Variants in RANBP10 observed in about 807,000 individuals in gnomAD.
RANBP10 encodes the protein RAN binding protein 10.
A neutral mutation model predicts 72.8 loss-of-function variants in RANBP10; 24 were observed. The observed-to-expected ratio is 0.33, with a 90% confidence interval of 0.24 to 0.46. The LOEUF is 0.46. Ranked by LOEUF, RANBP10 falls within the 20% of genes least tolerant of loss-of-function variation. RANBP10 has a pLI of 1.00. For missense variants in RANBP10, 679 were observed against 817.5 expected (o/e 0.83, Z 2.07); for synonymous variants, 310 against 322.3 (o/e 0.96, Z 0.41).
At position 67,790,514 on chromosome 16, in the gene RANBP10, T is replaced by C. The variant is rs1026577193; in HGVS notation, c.347+14914A>G. 3.3e-5 allele frequency among the ~76,000 whole-genome samples: 5 copies of C among 151,618 alleles called. No individual in the cohort carries two copies. The South Asian group carries it at 1.0e-3, about 31-fold the overall frequency. ...CACAGAGACACCAAGAACACCCCTA[T>C]GGCCCTGCAAACCAGCAAGGACCGC... On this transcript the variant is annotated intron_variant, in intron 2 of 13. Transcript: ENST00000317506.
At chr16:67,737,354 C>T (rs917780681) in intron 5 of RANBP10, among the ~76,000 whole-genome samples, 2 of 151,928 alleles carry the variant, frequency 1.3e-5, no homozygotes, top group South Asian at 4.2e-4. Context: ...GCGCCTGCAA[C>T]CAGGCCCGGC....
chr16:67,727,585 G>C, intron 12 of RANBP10, 147 bp from the exon 13 acceptor site: 1 of 1,323,270 alleles, frequency 7.6e-7, no homozygotes, highest in Non-Finnish European at 1.1e-6. Flanking sequence ...TCTCCCCAGA[G>C]CCTAGGTGTG....
rs192457543 is a variant in RANBP10, at chr16:67,726,126, T to C, written c.*302A>G. ...GTGGCTCAGTCAGGAGAAAAAAATT[T>C]AAAAACCCCAACCCCTCCTCAAAAC... On this transcript the variant is annotated 3_prime_UTR_variant, in exon 14 of 14. Coordinates refer to ENST00000317506, the MANE Select transcript of RANBP10 (RefSeq NM_020850.3). The C allele has an allele frequency of 1.2e-3, 373 of 319,702 alleles. 1 individual carries two copies. The highest frequency in any genetic ancestry group is 3.3e-3 in the Middle Eastern group (3 of 912). 19.8% of individuals were successfully genotyped at this position (319,702 alleles called of 1,614,324 possible).
chr16:67,776,771 CAA>C (rs1183736504), intron 2 of RANBP10, among the ~76,000 whole-genome samples: 1 of 73,294 alleles, frequency 1.4e-5, no homozygotes, highest in Non-Finnish European at 2.8e-5. Flanking sequence ...GACTTTGTCT[CAA>C]AAAAAAAAAG....
chr16:67,778,287 T>G (rs953809590), intron 2 of RANBP10, among the ~76,000 whole-genome samples: 2 of 152,036 alleles, frequency 1.3e-5, no homozygotes, highest in African/African-American at 4.8e-5. Flanking sequence ...AGGCGGAGGT[T>G]GCAGTAAGCC....
rs1280722691 is a variant in RANBP10, at chr16:67,727,434, G to C, written c.1625C>G (p.Ala542Gly). The C allele has an allele frequency of 3.7e-6, 6 of 1,612,804 alleles. No individual in the cohort carries two copies. Among genetic ancestry groups the C allele is most frequent in the Non-Finnish European group, 5.1e-6 (6 of 1,179,422 alleles). The change falls in exon 13 of 14, where the codon GCC becomes GGC. Residue 542 changes from alanine to glycine, a missense_variant. Transcript: ENST00000317506. ...NLAHTEMLQD[A>G]FSLLAYSDPW... ...GTCTGAGTATGCCAGCAGGCTGAAG[G>C]CATCCTACAGGACAGGGCATTCTTG...
At chr16:67,732,486 G>A (rs2053752994) in intron 6 of RANBP10, among the ~76,000 whole-genome samples, 1 of 152,190 alleles carries the variant, frequency 6.6e-6, no homozygotes, top group Non-Finnish European at 1.5e-5. Flanking sequence ...TCAGGTGGAA[G>A]GCACAGAAGT....
intron 2 of RANBP10, among the ~76,000 whole-genome samples, chr16:67,799,529 C>T (rs951487794): frequency 2.0e-5 from 3 of 152,092 alleles, no homozygotes; most frequent in African/African-American, 7.2e-5. Context: ...CCTCGTGATC[C>T]GCCCGCCTTG....
Position 67,726,534 on chromosome 16 carries a change from G to T in RANBP10, c.1757C>A (p.Pro586His). 1.3e-6 allele frequency: 2 copies of T among 1,563,736 alleles called. No homozygotes were observed. The change falls in exon 14 of 14, where the codon CCC (proline) becomes CAC (histidine). Residue 586 changes from proline to histidine, a missense_variant. Transcript: ENST00000317506. Reference protein sequence around the residue: ...ILESQNLPKQPPLMLALGQAS... With the variant: ...ILESQNLPKQHPLMLALGQAS... ...CTGGCCCAGGGCGAGCATCAGAGGG[G>T]GCTGCTTTGGCAGGTTCTGGGACTC... is the stretch of plus-strand genomic sequence containing the variant.
chr16:67,757,679 A>T (rs1407899663), intron 3 of RANBP10, among the ~76,000 whole-genome samples: 1 of 152,238 alleles, frequency 6.6e-6, no homozygotes, highest in Non-Finnish European at 1.5e-5. Flanking sequence ...TCAACAATGG[A>T]TAATGGGAAA....
At chr16:67,787,102 G>C (rs538340677) in intron 2 of RANBP10, among the ~76,000 whole-genome samples, 18 of 150,950 alleles carry the variant, frequency 1.2e-4, no homozygotes, top group African/African-American at 3.9e-4. Context: ...AGCCAGGCGT[G>C]GTGGCACATG....
intron 5 of RANBP10, 126 bp downstream of exon 5, chr16:67,737,887 G>A: frequency 2.3e-6 from 3 of 1,280,594 alleles, no homozygotes; most frequent in Non-Finnish European, 2.2e-6. Flanking sequence ...CAAGCTGACA[G>A]CATGGCACAC....
chr16:67,727,226 G>T, intron 13 of RANBP10, 101 bp downstream of exon 13: 1 of 1,159,614 alleles, frequency 8.6e-7, no homozygotes, highest in Non-Finnish European at 1.2e-6. Flanking sequence ...CCAGGAGGCA[G>T]AGGTGGAGAT....
intron 2 of RANBP10, among the ~76,000 whole-genome samples, chr16:67,773,883 C>G (rs2054650610): frequency 6.6e-6 from 1 of 152,188 alleles, no homozygotes; most frequent in South Asian, 2.1e-4. Flanking sequence ...CAGTCATTCC[C>G]AGAAACACAC....
intron 3 of RANBP10, among the ~76,000 whole-genome samples, chr16:67,754,232 G>A (rs1463029073): frequency 2.0e-5 from 3 of 152,098 alleles, no homozygotes; most frequent in Non-Finnish European, 4.4e-5. Context: ...CAAGTAGCCA[G>A]CGGCTGAACA....
chr16:67,791,532 T>C (rs2143018698), intron 2 of RANBP10, among the ~76,000 whole-genome samples: 1 of 152,294 alleles, frequency 6.6e-6, no homozygotes, highest in East Asian at 1.9e-4. Context: ...CTGAGATGGC[T>C]GTTGGAGGCT....
intron 3 of RANBP10, 27 bp downstream of exon 3, chr16:67,772,007 C>T (rs1267602009): frequency 6.5e-7 from 1 of 1,542,052 alleles, no homozygotes; most frequent in Non-Finnish European, 8.8e-7. Flanking sequence ...GAGAGCAGAA[C>T]AAATGTTCTC....
Position 67,744,458 on chromosome 16 carries a change from G to A in RANBP10, c.401-3C>T, listed in dbSNP as rs2054030195. The A allele has an allele frequency of 1.2e-6, 2 of 1,611,462 alleles. No homozygotes were observed. The highest frequency in any genetic ancestry group is 1.3e-5 in the African/African-American group (1 of 75,012). ...ACCATAGGAATGTTTGTCCCAACCT[G>A]TGGGGGAAGAGAGCAGCAATAACTG... is the stretch of plus-strand genomic sequence containing the variant. On this transcript the variant is annotated splice_polypyrimidine_tract_variant and splice_region_variant and intron_variant, in intron 3 of 13. Transcript: ENST00000317506.
At chr16:67,774,957 G>A (rs932846823) in intron 2 of RANBP10, among the ~76,000 whole-genome samples, 19 of 152,120 alleles carry the variant, frequency 1.2e-4, no homozygotes, top group Non-Finnish European at 2.8e-4. Context: ...TAAATTACAT[G>A]TCAATAACAC....
Sources: gnomAD v4.1 joint callset for allele counts (sites outside exome capture counted in the v4.1 genomes callset) on GRCh38, gnomAD v4.1.1 for gene constraint, MANE v1.5 for transcripts, NCBI Gene and HGNC (gene_info 2026-07-23, HGNC 2026-07-21) for gene names.